Variants in HHLA2 observed in about 807,000 individuals in gnomAD.
HHLA2 encodes the protein HHLA2 member of B7 family, also known as HERV-H LTR-associating protein 2.
Under a neutral mutation model 45.9 loss-of-function variants are expected in HHLA2, and 48 were observed. That is an observed-to-expected ratio of 1.05 (90% CI 0.83 to 1.33). HHLA2 has a LOEUF of 1.33. Among genes scored for constraint, HHLA2 ranks in the 40% most tolerant of loss-of-function variants. The pLI, the probability that HHLA2 is intolerant of heterozygous loss-of-function variation, is 0.00. For synonymous variants in HHLA2, 161 were observed against 173.9 expected (o/e 0.93, Z 0.59); for missense variants, 462 against 494.3 (o/e 0.93, Z 0.62).
chr3:108,365,081 T>C (rs1002031674), intron 8 of HHLA2, among the ~76,000 whole-genome samples: 1 of 152,256 alleles, frequency 6.6e-6, no homozygotes, highest in African/African-American at 2.4e-5. Flanking sequence ...CATGTCTATG[T>C]CCTGAATGAT....
At chr3:108,353,584 C>T in exon 5 of HHLA2, 1 of 1,613,734 alleles carries the variant, frequency 6.2e-7, no homozygotes, top group Middle Eastern at 1.7e-4. Context: ...TTCACAGTTA[C>T]TACAAAGGCA....
At chr3:108,298,339 C>T (rs72937730) in intron 1 of HHLA2, among the ~76,000 whole-genome samples, 248 of 152,312 alleles carry the variant, frequency 1.6e-3, no homozygotes, top group African/African-American at 5.6e-3. Flanking sequence ...CCAGAAAAAT[C>T]CTGCTATTCT....
intron 9 of HHLA2, 116 bp downstream of exon 8, chr3:108,375,916 A>T (rs749838697): frequency 1.1e-5 from 15 of 1,341,904 alleles, no homozygotes; most frequent in Non-Finnish European, 1.5e-5. Flanking sequence ...TATATTCCAT[A>T]CTTCTGCAGT....
chr3:108,345,975 G>C (rs150704649), intron 3 of HHLA2, among the ~76,000 whole-genome samples: 1 of 152,294 alleles, frequency 6.6e-6, no homozygotes, highest in East Asian at 1.9e-4. Context: ...CCTTGTGACT[G>C]AGCAGGTGGC....
In HHLA2 at chr3:108,375,743, T is replaced by C. The variant is rs895729005; in HGVS notation, c.1109-7T>C. ...TAATTTCACTCTTCCCTGTCTCTGATCTACAGCCCAGCTAGAAGCCAGGAG... is the reference window on the plus strand; with the variant it reads ...TAATTTCACTCTTCCCTGTCTCTGACCTACAGCCCAGCTAGAAGCCAGGAG... On this transcript the variant is annotated splice_polypyrimidine_tract_variant and splice_region_variant and intron_variant, in intron 8 of 10. Transcript: ENST00000619531. The C allele has an allele frequency of 4.3e-6, 7 of 1,610,088 alleles. No homozygotes were observed. In the African/African-American group the frequency reaches 9.4e-5, roughly 22 times the overall value.
At chr3:108,312,175 C>G (rs772412260) in intron 2 of HHLA2, among the ~76,000 whole-genome samples, 2 of 152,208 alleles carry the variant, frequency 1.3e-5, no homozygotes, top group Admixed American at 6.5e-5. Context: ...GGTCCAGACT[C>G]TCACCAGTTC....
chr3:108,302,108 G>C (rs553413707), intron 1 of HHLA2, among the ~76,000 whole-genome samples: 1 of 152,264 alleles, frequency 6.6e-6, no homozygotes, highest in South Asian at 2.1e-4. Flanking sequence ...ATGTATACTT[G>C]TGAGTTACAT....
At chr3:108,340,898 T>TC (rs1199623042) in intron 3 of HHLA2, among the ~76,000 whole-genome samples, 1 of 12,282 alleles carries the variant, frequency 8.1e-5, no homozygotes, top group Non-Finnish European at 3.9e-4. Flanking sequence ...CTCTTTTCTT[T>TC]TTTTTTTTTT....
intron 3 of HHLA2, among the ~76,000 whole-genome samples, chr3:108,341,152 C>T (rs1012663641): frequency 2.0e-5 from 3 of 151,934 alleles, no homozygotes; most frequent in African/African-American, 7.3e-5. Flanking sequence ...GGAGTTTCAC[C>T]ATGTTGGCCA....
At chr3:108,353,009 G>A (rs2081808091) in intron 4 of HHLA2, among the ~76,000 whole-genome samples, 1 of 152,166 alleles carries the variant, frequency 6.6e-6, no homozygotes, top group African/African-American at 2.4e-5. Context: ...TTCTTTTAGG[G>A]CCTGCTGGCT....
At chr3:108,297,719 T>G (rs2080783985) in intron 1 of HHLA2, among the ~76,000 whole-genome samples, 2 of 152,216 alleles carry the variant, frequency 1.3e-5, no homozygotes, top group Non-Finnish European at 1.5e-5. Flanking sequence ...TGCCTACTTT[T>G]GGCGTGTGGC....
chr3:108,356,680 G>A (rs1450693382), intron 6 of HHLA2, among the ~76,000 whole-genome samples: 1 of 152,218 alleles, frequency 6.6e-6, no homozygotes, highest in Non-Finnish European at 1.5e-5. Context: ...GCTCAGTACT[G>A]TTTGGTCTCA....
chr3:108,300,451 G>A (rs896600941), intron 1 of HHLA2, among the ~76,000 whole-genome samples: 4 of 152,152 alleles, frequency 2.6e-5, no homozygotes, highest in Admixed American at 1.3e-4. Flanking sequence ...GGTAGAGAAA[G>A]CCAGAGTGAT....
At chr3:108,319,924 T>A (rs192534137) in intron 2 of HHLA2, among the ~76,000 whole-genome samples, 82 of 152,312 alleles carry the variant, frequency 5.4e-4, no homozygotes, top group African/African-American at 2.0e-3. Flanking sequence ...CGTGCATGCA[T>A]GTACATATCA....
chr3:108,326,258 G>C (rs2081287070), intron 2 of HHLA2: 1 of 175,160 alleles, frequency 5.7e-6, no homozygotes, highest in African/African-American at 2.4e-5. Context: ...CACTGATAAA[G>C]ACATACTCAA....
intron 2 of HHLA2, among the ~76,000 whole-genome samples, chr3:108,321,271 A>G (rs1190103390): frequency 6.6e-6 from 1 of 151,774 alleles, no homozygotes; most frequent in Non-Finnish European, 1.5e-5. Flanking sequence ...TTTTGAACTA[A>G]TTTTCTGTAT....
intron 1 of HHLA2, among the ~76,000 whole-genome samples, chr3:108,297,965 C>A (rs1576080649): frequency 6.6e-6 from 1 of 152,272 alleles, no homozygotes; most frequent in African/African-American, 2.4e-5. Flanking sequence ...CAGAGACTTG[C>A]CTAGGAGTGG....
chr3:108,337,173 A>G (rs6771609), intron 3 of HHLA2, among the ~76,000 whole-genome samples: 104,556 of 152,052 alleles, frequency 0.69, 36,989 homozygotes, highest in African/African-American at 0.81. Flanking sequence ...CTGTCAAGGT[A>G]GCATTAACAT....
chr3:108,325,751 C>T (rs764027752), intron 2 of HHLA2: 19 of 253,074 alleles, frequency 7.5e-5, no homozygotes, highest in East Asian at 6.9e-4. Context: ...ACCATATCTA[C>T]GATCACCACG....
Sources: allele counts gnomAD v4.1 joint callset (sites outside exome capture counted in the v4.1 genomes callset), GRCh38; gene constraint gnomAD v4.1.1; transcripts MANE v1.5; gene names NCBI Gene and HGNC (gene_info 2026-07-23, HGNC 2026-07-21).